MED13: variants seen among roughly 807,000 people sequenced by gnomAD.
The protein encoded by MED13 is mediator complex subunit 13.
Under a neutral mutation model 225.2 loss-of-function variants are expected in MED13, and 23 were observed. The observed-to-expected ratio is 0.10, with a 90% CI of 0.07 to 0.14. The LOEUF (loss-of-function observed/expected upper bound fraction) is 0.14, where lower values mean the gene tolerates loss of function less well. Ranked by LOEUF, MED13 falls within the 10% of genes least tolerant of loss-of-function variation. The pLI is 1.00. For synonymous variants in MED13, 942 were observed against 889.2 expected (o/e 1.06, Z -1.06); for missense variants, 2,197 against 2,594.5 (o/e 0.85, Z 3.33).
chr17:62,035,614 AAAG>A lies in MED13; in HGVS notation c.471-9_471-7del. 1 of 1,599,176 alleles carries A rather than the reference AAAG, an allele frequency of 6.3e-7. No homozygotes were observed. The highest frequency in any genetic ancestry group is 1.7e-4 in the Middle Eastern group (1 of 5,918). On this transcript the variant is annotated splice_region_variant and splice_polypyrimidine_tract_variant and intron_variant, in intron 3 of 29. Coordinates refer to ENST00000397786, the MANE Select transcript of MED13 (RefSeq NM_005121.3). ...AGGAGCAGGACAAGTGTTCACTAAAAAAGAAGAAAAAGTTTTATCTTAGTGATG... is the reference window on the plus strand; with the variant it reads ...AGGAGCAGGACAAGTGTTCACTAAAAAAGAAAAAGTTTTATCTTAGTGATG...
Position 61,982,890 on chromosome 17 carries a change from T to C in MED13, c.3113A>G (p.Asn1038Ser). The change falls in exon 16 of 30, where the codon AAT becomes AGT. Residue 1038 changes from asparagine (N) to serine (S), a missense_variant. This residue lies in a region of MED13 where 99 missense variants were observed against 158.5 expected (regional missense o/e 0.62). Coordinates refer to ENST00000397786, the MANE Select transcript of MED13 (RefSeq NM_005121.3). ...ASAQGSVKYE[N>S]SDLYSPASTP... ...AGAAGCTGGTGAATACAAGTCTGAA[T>C]TTTCATATTTGACTGAACCTTGAGC... 1 of 1,614,158 alleles carries C rather than the reference T, an allele frequency of 6.2e-7. No individual in the cohort carries two copies. Among genetic ancestry groups the C allele is most frequent in the Non-Finnish European group, 8.5e-7 (1 of 1,180,024 alleles).
At chr17:62,013,415 G>C (rs1475891445) in intron 8 of MED13, among the ~76,000 whole-genome samples, 1 of 151,882 alleles carries the variant, frequency 6.6e-6, no homozygotes, top group Non-Finnish European at 1.5e-5. Flanking sequence ...CACATTAACA[G>C]AATAAAAGAA....
intron 8 of MED13, among the ~76,000 whole-genome samples, chr17:62,021,179 G>A (rs1410658406): frequency 6.6e-6 from 1 of 150,928 alleles, no homozygotes; most frequent in Non-Finnish European, 1.5e-5. Context: ...TTGTCATCAT[G>A]GCCCGTTCTC....
chr17:62,011,308 T>TA (rs2080506884), intron 8 of MED13, 75 bp from the exon 9 acceptor site: 2 of 1,244,394 alleles, frequency 1.6e-6, no homozygotes, highest in African/African-American at 3.0e-5. Flanking sequence ...TTAATAGTAT[T>TA]AGACACTTCG....
At chr17:62,049,925 G>C (rs1257322409) in intron 3 of MED13, among the ~76,000 whole-genome samples, 1 of 78,588 alleles carries the variant, frequency 1.3e-5, no homozygotes, top group African/African-American at 1.2e-4. Context: ...GTGAGGCTCT[G>C]TCTCCAAAAA....
rs1460051562 is a variant in MED13 at position 61,943,729 on chromosome 17, A to G, written c.*2739T>C. 1 of 152,642 alleles carries G rather than the reference A, an allele frequency of 6.6e-6. No individual in the cohort carries two copies. The highest frequency in any genetic ancestry group is 1.5e-5 in the Non-Finnish European group (1 of 68,014). The allele number at this position is 152,642 out of a possible 1,614,324, so 9.5% of individuals were successfully genotyped here. A position where few individuals can be genotyped will look rare whatever the true frequency, so the allele number is the denominator to read the frequency against. Reference sequence around the variant, plus strand: ...CAGTCCTGATAACTCAATGGCTTGCATAAGAAAGGTATGGCTAGATGTTTC... The same window carrying G: ...CAGTCCTGATAACTCAATGGCTTGCGTAAGAAAGGTATGGCTAGATGTTTC... On this transcript the variant is annotated 3_prime_UTR_variant, in exon 30 of 30. Transcript: ENST00000397786.
rs748472701 is a variant in MED13, at chr17:62,010,652, T to C, written c.1865A>G (p.Lys622Arg). ...TGGTAAAAACTCTACATCTTTTTTC[T>C]TTGGGAACTTGTAATACTTCCAGGC... ...NIAWKYYKFP[K>R]KKDVEFLPPQ... The change falls in exon 9 of 30, where the codon AAG becomes AGG. Residue 622 changes from lysine to arginine, a missense_variant. Lys to Arg is a conservative substitution (Grantham distance 26, BLOSUM62 2). Coordinates refer to ENST00000397786, the MANE Select transcript of MED13 (RefSeq NM_005121.3). 2 of 1,501,436 alleles carry C rather than the reference T, an allele frequency of 1.3e-6. No homozygotes were observed. Among genetic ancestry groups the C allele is most frequent in the Non-Finnish European group, 1.8e-6 (2 of 1,125,006 alleles). 93.0% of individuals were successfully genotyped at this position (1,501,436 alleles called of 1,614,324 possible).
chr17:62,022,297 TCA>T (rs1000597042), intron 8 of MED13, among the ~76,000 whole-genome samples: 1 of 151,780 alleles, frequency 6.6e-6, no homozygotes, highest in African/African-American at 2.4e-5. Flanking sequence ...ACACCTTCTG[TCA>T]CAGAGTAAGG....
At chr17:61,967,835 T>C (rs767805652) in intron 18 of MED13, among the ~76,000 whole-genome samples, 200 bp downstream of exon 18, 22 of 152,162 alleles carry the variant, frequency 1.4e-4, no homozygotes, top group Admixed American at 6.6e-4. Flanking sequence ...TATAGGGGGA[T>C]AGCCACTCTG....
intron 9 of MED13, among the ~76,000 whole-genome samples, chr17:62,008,082 C>A (rs1352461886): frequency 1.4e-5 from 2 of 147,858 alleles, no homozygotes; most frequent in African/African-American, 2.5e-5. Context: ...CTTTGGGAGG[C>A]CGGGGCGGGC....
rs146615265 is a variant in MED13 at position 62,064,682 on chromosome 17, G to A, written c.66+458C>T. 1.1e-3 allele frequency among the ~76,000 whole-genome samples: 160 copies of A among 152,252 alleles called. 1 individual carries two copies. Among genetic ancestry groups the A allele is most frequent in the African/African-American group, 3.7e-3 (153 of 41,554 alleles). ...TCATACAAAAAAAATGTAAAACCAA[G>A]ACAGGTTTCTAGGGCTTAAGTTCTG... On this transcript the variant is annotated intron_variant, in intron 1 of 29. Transcript: ENST00000397786.
intron 8 of MED13, among the ~76,000 whole-genome samples, chr17:62,021,522 G>A (rs1435290651): frequency 3.3e-5 from 5 of 152,330 alleles, no homozygotes; most frequent in East Asian, 3.9e-4. Flanking sequence ...CCTCCCGGAC[G>A]GGGCGAGCAG....
At chr17:62,064,852 T>C (rs960829887) in intron 1 of MED13, among the ~76,000 whole-genome samples, 1 of 152,148 alleles carries the variant, frequency 6.6e-6, no homozygotes, top group African/African-American at 2.4e-5. Flanking sequence ...AGGGAAAGGT[T>C]ACTGTCCTGC....
At chr17:62,008,627 A>T (rs574846301) in intron 9 of MED13, among the ~76,000 whole-genome samples, 1 of 152,156 alleles carries the variant, frequency 6.6e-6, no homozygotes, top group Non-Finnish European at 1.5e-5. Flanking sequence ...GGGCAAAAAA[A>T]TCAGGTCATT....
chr17:62,017,489 AAG>A (rs1181866389), intron 8 of MED13, among the ~76,000 whole-genome samples: 1 of 152,228 alleles, frequency 6.6e-6, no homozygotes, highest in African/African-American at 2.4e-5. Context: ...ACTAAATTCA[AAG>A]TATGGTCTAT....
In MED13 at chr17:61,982,457, T is replaced by C; in HGVS notation, c.3546A>G (p.Glu1182=). 1 of 1,614,222 alleles carries C rather than the reference T, an allele frequency of 6.2e-7. No individual in the cohort carries two copies. The highest frequency in any genetic ancestry group is 1.3e-5 in the African/African-American group (1 of 75,068). The part of the protein sequence containing the change: ...EHVNGGLKES[E]KLSDDLILLL... ...ATAATATCAAATCATCAGATAATTT[T>C]TCAGATTCCTTTAGTCCTCCATTAA... The change falls in exon 16 of 30, where the codon GAA becomes GAG. Residue 1182 remains glutamate, a synonymous_variant. Coordinates refer to ENST00000397786, the MANE Select transcript of MED13 (RefSeq NM_005121.3).
chr17:61,992,637 T>G lies in MED13; in HGVS notation c.2182-16A>C. 3 of 1,553,274 alleles carry G rather than the reference T, an allele frequency of 1.9e-6. No homozygotes were observed. The highest frequency in any genetic ancestry group is 2.7e-6 in the Non-Finnish European group (3 of 1,126,626). On this transcript the variant is annotated splice_polypyrimidine_tract_variant and intron_variant, in intron 10 of 29. Transcript: ENST00000397786. ...CATCTTCTACCTGCAAACAAATATTTCATGTTAGGCTGAAATATATAATTT... is the reference window on the plus strand; with the variant it reads ...CATCTTCTACCTGCAAACAAATATTGCATGTTAGGCTGAAATATATAATTT...
At chr17:61,971,871 T>C (rs1050601629) in intron 17 of MED13, among the ~76,000 whole-genome samples, 1 of 151,752 alleles carries the variant, frequency 6.6e-6, no homozygotes, top group African/African-American at 2.4e-5. Flanking sequence ...GAGGCGGAGG[T>C]TACGGTGAGC....
intron 8 of MED13, among the ~76,000 whole-genome samples, chr17:62,016,560 C>T (rs2080583656): frequency 2.6e-5 from 4 of 152,218 alleles, no homozygotes; most frequent in Admixed American, 2.6e-4. Context: ...AGCTATTAGA[C>T]ACTTGACAAG....
Sources: gnomAD v4.1 joint callset for allele counts (sites outside exome capture counted in the v4.1 genomes callset) on GRCh38, gnomAD v4.1.1 for gene constraint, gnomAD v4.1.1 regional missense constraint, MANE v1.5 for transcripts, NCBI Gene and HGNC (gene_info 2026-07-23, HGNC 2026-07-21) for gene names.